The following ZFPM2 variants were observed in gnomAD, a reference collection of about 807,000 sequenced individuals.
ZFPM2 encodes the protein zinc finger protein, FOG family member 2.
Under a neutral mutation model 98.6 loss-of-function variants are expected in ZFPM2, and 20 were observed. That is an observed-to-expected ratio of 0.20 (90% CI 0.14 to 0.29). The LOEUF is 0.29. Ranked by LOEUF, ZFPM2 falls within the 10% of genes least tolerant of loss-of-function variation. ZFPM2 has a pLI of 1.00. For synonymous variants in ZFPM2, 518 were observed against 502.7 expected, an observed-to-expected ratio of 1.03 and a Z score of -0.41; for missense variants, 1,310 against 1,388.6, an observed-to-expected ratio of 0.94 and a Z score of 0.90.
intron 3 of ZFPM2, among the ~76,000 whole-genome samples, chr8:105,463,888 C>T (rs1028128320): frequency 6.6e-6 from 1 of 152,036 alleles, no homozygotes; most frequent in Non-Finnish European, 1.5e-5. Flanking sequence ...CTAGCCCAAC[C>T]AACATATTGT....
At chr8:105,619,869 T>G (rs1011471302) in intron 4 of ZFPM2, among the ~76,000 whole-genome samples, 70 of 152,184 alleles carry the variant, frequency 4.6e-4, no homozygotes, top group African/African-American at 1.6e-3. Context: ...ACTCATCCTT[T>G]TTTATGGCTG....
At chr8:105,420,990 G>A (rs1811780361) in intron 2 of ZFPM2, among the ~76,000 whole-genome samples, 1 of 151,946 alleles carries the variant, frequency 6.6e-6, no homozygotes, top group Non-Finnish European at 1.5e-5. Flanking sequence ...GAAAGAGTAA[G>A]GGTTCTTTAC....
At chr8:105,788,967 G>C (rs1232836281) in intron 6 of ZFPM2, 43 bp downstream of exon 6, 2 of 1,465,870 alleles carry the variant, frequency 1.4e-6, no homozygotes, top group African/African-American at 2.8e-5. Context: ...GAGGTGATGG[G>C]AATTTATGGG....
At chr8:105,555,092 T>C (rs1297211898) in intron 3 of ZFPM2, among the ~76,000 whole-genome samples, 1 of 152,024 alleles carries the variant, frequency 6.6e-6, no homozygotes, top group Non-Finnish European at 1.5e-5. Flanking sequence ...CTTTTTTTTT[T>C]TAAGTTAAGC....
intron 5 of ZFPM2, 125 bp downstream of exon 5, chr8:105,634,482 G>T (rs1586164387): frequency 1.3e-6 from 1 of 771,818 alleles, no homozygotes; most frequent in Non-Finnish European, 2.2e-6. Flanking sequence ...TTTCCCATTT[G>T]AGTTCCTCTA....
intron 3 of ZFPM2, among the ~76,000 whole-genome samples, chr8:105,543,717 C>A (rs1814630039): frequency 6.6e-6 from 1 of 152,032 alleles, no homozygotes; most frequent in Non-Finnish European, 1.5e-5. Flanking sequence ...ACTATCTTTC[C>A]TCCTTCTGTC....
intron 4 of ZFPM2, chr8:105,616,649 G>A: frequency 2.7e-6 from 1 of 364,072 alleles, no homozygotes; most frequent in South Asian, 2.2e-5. Flanking sequence ...TTTGCAACAG[G>A]TTCATATGGT....
At chr8:105,440,613 T>C (rs1238341464) in intron 2 of ZFPM2, among the ~76,000 whole-genome samples, 1 of 151,974 alleles carries the variant, frequency 6.6e-6, no homozygotes, top group Non-Finnish European at 1.5e-5. Flanking sequence ...GAACCAGGGA[T>C]GGGAAGCATC....
At chr8:105,422,943 T>G (rs1811833498) in intron 2 of ZFPM2, among the ~76,000 whole-genome samples, 1 of 152,300 alleles carries the variant, frequency 6.6e-6, no homozygotes, top group East Asian at 1.9e-4. Flanking sequence ...ATTTCTATTA[T>G]ACAGGATATT....
At chr8:105,627,424 T>A (rs1352069319) in intron 4 of ZFPM2, among the ~76,000 whole-genome samples, 2 of 152,160 alleles carry the variant, frequency 1.3e-5, no homozygotes, top group East Asian at 3.9e-4. Context: ...ATTTCTTTTT[T>A]TTAAAAAAGA....
intron 5 of ZFPM2, among the ~76,000 whole-genome samples, chr8:105,655,792 A>C (rs551268984): frequency 6.6e-6 from 1 of 152,334 alleles, no homozygotes; most frequent in South Asian, 2.1e-4. Flanking sequence ...GAATCTTTAA[A>C]TACTGACAAA....
chr8:105,459,593 C>T (rs1812665615), intron 3 of ZFPM2, among the ~76,000 whole-genome samples: 1 of 152,138 alleles, frequency 6.6e-6, no homozygotes, highest in Non-Finnish European at 1.5e-5. Context: ...ATCAAGGTAT[C>T]AGCAGGCGTG....
chr8:105,709,933 A>G (rs1219604861), intron 5 of ZFPM2, among the ~76,000 whole-genome samples: 1 of 152,170 alleles, frequency 6.6e-6, no homozygotes, highest in Non-Finnish European at 1.5e-5. Context: ...GTTTAAATGT[A>G]TGCTAGCCTT....
chr8:105,764,325 C>T (rs1456621103), intron 5 of ZFPM2, among the ~76,000 whole-genome samples: 3 of 143,718 alleles, frequency 2.1e-5, no homozygotes, highest in Non-Finnish European at 3.0e-5. Flanking sequence ...CACACACACA[C>T]ATATTTGGAA....
intron 3 of ZFPM2, among the ~76,000 whole-genome samples, chr8:105,556,190 A>T (rs1353273536): frequency 2.0e-5 from 3 of 152,108 alleles, no homozygotes; most frequent in African/African-American, 4.8e-5. Context: ...TCTACATCTG[A>T]GTTGATGAAA....
chr8:105,469,208 T>C (rs1468141500), intron 3 of ZFPM2, among the ~76,000 whole-genome samples: 1 of 152,206 alleles, frequency 6.6e-6, no homozygotes, highest in East Asian at 1.9e-4. Context: ...GTGAATCTGC[T>C]TTAATGTTGC....
chr8:105,680,698 C>A (rs1051526879), intron 5 of ZFPM2, among the ~76,000 whole-genome samples: 2 of 152,026 alleles, frequency 1.3e-5, no homozygotes, highest in African/African-American at 4.8e-5. Flanking sequence ...TATGCCTGGA[C>A]CTCTAATTCA....
chr8:105,802,932 G>A lies in ZFPM2; in HGVS notation c.2850G>A (p.Gln950=). The A allele has an allele frequency of 6.2e-7, 1 of 1,613,204 alleles. No individual in the cohort carries two copies. Among genetic ancestry groups the A allele is most frequent in the Non-Finnish European group, 8.5e-7 (1 of 1,179,640 alleles). ...TGAAGGTCTTTAGTGAAGCTGCTCAGCTCATTGCTACAAAAGAAGAAAACA... is the reference window on the plus strand; with the variant it reads ...TGAAGGTCTTTAGTGAAGCTGCTCAACTCATTGCTACAAAAGAAGAAAACA... The part of the protein sequence containing the change: ...QGLKVFSEAA[Q]LIATKEENRH... The change falls in exon 8 of 8, where the codon CAG becomes CAA. Residue 950 remains glutamine, a synonymous_variant. Coordinates refer to ENST00000407775, the MANE Select transcript of ZFPM2 (RefSeq NM_012082.4).
chr8:105,704,812 A>G (rs1811220511), intron 5 of ZFPM2, among the ~76,000 whole-genome samples: 1 of 152,188 alleles, frequency 6.6e-6, no homozygotes, highest in Non-Finnish European at 1.5e-5. Context: ...CCCTGTATGA[A>G]TCCCAGTTCA....
Sources: gnomAD v4.1 joint callset for allele counts (sites outside exome capture counted in the v4.1 genomes callset) on GRCh38, gnomAD v4.1.1 for gene constraint, MANE v1.5 for transcripts, NCBI Gene and HGNC (gene_info 2026-07-23, HGNC 2026-07-21) for gene names.